Variants in KIAA1217 observed in about 807,000 individuals in gnomAD.
The protein encoded by KIAA1217 is sickle tail protein homolog.
KIAA1217 carries 88 observed loss-of-function variants against 163.9 expected under a neutral mutation model. The ratio of observed to expected loss-of-function variants is 0.54; its 90% CI spans 0.45 to 0.64. The LOEUF is 0.64. KIAA1217 is among the 30% of genes least tolerant of loss of function. The pLI is 0.00. For synonymous variants in KIAA1217, 903 were observed against 923.1 expected, an observed-to-expected ratio of 0.98 and a Z score of 0.39; for missense variants, 2,372 against 2,475.0, an observed-to-expected ratio of 0.96 and a Z score of 0.88.
chr10:23,827,354 G>A (rs372906200), intron 1 of KIAA1217, among the ~76,000 whole-genome samples: 1 of 152,112 alleles, frequency 6.6e-6, no homozygotes, highest in African/African-American at 2.4e-5. Context: ...AAAATCTTAG[G>A]TACCTTTGTT....
intron 1 of KIAA1217, among the ~76,000 whole-genome samples, chr10:23,850,688 T>C (rs1359898009): frequency 6.6e-6 from 1 of 152,124 alleles, no homozygotes; most frequent in African/African-American, 2.4e-5. Context: ...ATTAGTCTGT[T>C]CTCACATTGC....
intron 2 of KIAA1217, among the ~76,000 whole-genome samples, chr10:24,283,052 T>G (rs1190784477): frequency 6.6e-6 from 1 of 151,790 alleles, no homozygotes. Context: ...TGGCTGGTCT[T>G]GAACTCCCAA....
chr10:24,137,528 G>C (rs1589634771), intron 2 of KIAA1217, among the ~76,000 whole-genome samples: 1 of 152,280 alleles, frequency 6.6e-6, no homozygotes, highest in Middle Eastern at 3.4e-3. Context: ...CCACTAATGT[G>C]GGCCAAGAAT....
intron 2 of KIAA1217, among the ~76,000 whole-genome samples, chr10:24,266,372 C>G (rs1223694476): frequency 6.6e-6 from 1 of 152,218 alleles, no homozygotes; most frequent in Non-Finnish European, 1.5e-5. Context: ...AGCCACCATG[C>G]TCGACCTAAA....
intron 2 of KIAA1217, among the ~76,000 whole-genome samples, chr10:24,315,764 G>GAAA (rs11447202): frequency 6.7e-6 from 1 of 149,976 alleles, no homozygotes; most frequent in African/African-American, 2.4e-5. Context: ...AACAAAACAA[G>GAAA]AAAAAAAAAA....
chr10:23,887,492 T>G (rs1228530245), intron 1 of KIAA1217, among the ~76,000 whole-genome samples: 1 of 151,904 alleles, frequency 6.6e-6, no homozygotes, highest in African/African-American at 2.4e-5. Context: ...ATCTCTGTCC[T>G]GAGGGCTCAA....
intron 9 of KIAA1217, among the ~76,000 whole-genome samples, chr10:24,511,562 G>A (rs780297361): frequency 5.9e-5 from 9 of 152,002 alleles, no homozygotes; most frequent in African/African-American, 9.7e-5. Flanking sequence ...CAGAAGAATC[G>A]TTTGAACCCG....
chr10:23,934,583 ATATATATGTATATATATATATATG>A (rs1843421523), intron 1 of KIAA1217, among the ~76,000 whole-genome samples: 1 of 64,078 alleles, frequency 1.6e-5, no homozygotes, highest in South Asian at 4.1e-4. Flanking sequence ...ATATATATAT[ATATATATGTATATATATATATATG>A]TATATATATA....
At chr10:24,405,267 G>A (rs1591661629) in intron 3 of KIAA1217, among the ~76,000 whole-genome samples, 1 of 152,210 alleles carries the variant, frequency 6.6e-6, no homozygotes, top group African/African-American at 2.4e-5. Context: ...CGACCTCCCT[G>A]TACATTTCTT....
chr10:24,067,140 A>G (rs1300040030), intron 2 of KIAA1217, among the ~76,000 whole-genome samples: 2 of 151,556 alleles, frequency 1.3e-5, no homozygotes, highest in Non-Finnish European at 2.9e-5. Flanking sequence ...TCCTCTCTCA[A>G]CTCGTCAAAG....
intron 1 of KIAA1217, among the ~76,000 whole-genome samples, chr10:23,738,121 A>C (rs1838913693): frequency 6.6e-6 from 1 of 152,178 alleles, no homozygotes; most frequent in African/African-American, 2.4e-5. Flanking sequence ...GAGATATGGA[A>C]AAGAAAAGTA....
rs1231911900 is a variant in KIAA1217, at chr10:23,940,595, G to T, written c.-320-66630G>T. On this transcript the variant is annotated intron_variant, in intron 1 of 18. Coordinates refer to the KIAA1217 transcript ENST00000376462. The stretch of plus-strand genomic sequence containing the variant: ...CAAGACTTCAATTAAATTGACCTAA[G>T]GAACATGTATAAACATTCTTTCCCA... Among the ~76,000 whole-genome samples, 3 of 151,736 alleles carry T rather than the reference G, an allele frequency of 2.0e-5. No homozygotes were observed. In the East Asian group the frequency reaches 5.8e-4, roughly 29 times the overall value.
intron 1 of KIAA1217, among the ~76,000 whole-genome samples, chr10:23,826,799 C>T (rs1047618345): frequency 1.3e-5 from 2 of 152,272 alleles, no homozygotes; most frequent in East Asian, 3.9e-4. Context: ...ATTCTGTAAA[C>T]TCCCCACATG....
intron 1 of KIAA1217, among the ~76,000 whole-genome samples, chr10:23,818,967 T>C (rs556955699): frequency 1.2e-4 from 18 of 152,312 alleles, no homozygotes; most frequent in African/African-American, 4.1e-4. Flanking sequence ...ATGTACATAA[T>C]GTGTTTAAAA....
chr10:23,729,903 T>C (rs1838376894), intron 1 of KIAA1217, among the ~76,000 whole-genome samples: 1 of 132,128 alleles, frequency 7.6e-6, no homozygotes, highest in Non-Finnish European at 1.6e-5. Flanking sequence ...TTATTTTCTA[T>C]GAAATTTTTT....
intron 10 of KIAA1217, among the ~76,000 whole-genome samples, chr10:24,519,891 A>C (rs1450301309): frequency 6.6e-6 from 1 of 151,900 alleles, no homozygotes; most frequent in African/African-American, 2.4e-5. Context: ...CCTTTGGCCA[A>C]TGTAGAACAT....
Position 23,960,605 on chromosome 10 carries a change from A to G in KIAA1217, c.-320-46620A>G, listed in dbSNP as rs1452678334. On this transcript the variant is annotated intron_variant, in intron 1 of 18. Transcript: ENST00000376462. ...AGATCAATCATTTCACTCCAGAAATAGAAGAATATTTGTGTAGTAAAGGAA... is the reference window on the plus strand; with the variant it reads ...AGATCAATCATTTCACTCCAGAAATGGAAGAATATTTGTGTAGTAAAGGAA... 2.0e-5 allele frequency among the ~76,000 whole-genome samples: 3 copies of G among 152,364 alleles called. No homozygotes were observed. In the East Asian group the frequency reaches 5.8e-4, roughly 29 times the overall value.
chr10:24,188,998 C>T (rs1194924334), intron 2 of KIAA1217, among the ~76,000 whole-genome samples: 1 of 150,780 alleles, frequency 6.6e-6, no homozygotes, highest in Admixed American at 6.6e-5. Flanking sequence ...CCCAGCTACT[C>T]TGGTAGCTGA....
At chr10:24,142,072 G>GT (rs150863121) in intron 2 of KIAA1217, among the ~76,000 whole-genome samples, 50,788 of 148,276 alleles carry the variant, frequency 0.34, 8,619 homozygotes, top group East Asian at 0.4. Context: ...AGATTTTTTT[G>GT]TTTTTTTTTT....
Sources: allele counts gnomAD v4.1 joint callset (sites outside exome capture counted in the v4.1 genomes callset), GRCh38; gene constraint gnomAD v4.1.1; transcripts MANE v1.5; gene names NCBI Gene and HGNC (gene_info 2026-07-23, HGNC 2026-07-21).